CFAP99: variants seen among roughly 807,000 people sequenced by gnomAD.
CFAP99 encodes cilia- and flagella-associated protein 99.
Under a neutral mutation model 82.7 loss-of-function variants are expected in CFAP99, and 84 were observed. That is an observed-to-expected ratio of 1.02 (90% CI 0.85 to 1.22). The LOEUF (loss-of-function observed/expected upper bound fraction) is 1.22. Ranked by LOEUF, CFAP99 falls within the 50% of genes most tolerant of loss-of-function variation. The pLI, the probability that CFAP99 is intolerant of heterozygous loss-of-function variation, is 0.00. For synonymous variants in CFAP99, 456 were observed against 429.5 expected, an observed-to-expected ratio of 1.06 and a Z score of -0.76; for missense variants, 1,059 against 983.5, an observed-to-expected ratio of 1.08 and a Z score of -1.03.
intron 2 of CFAP99, among the ~76,000 whole-genome samples, chr4:2,432,237 G>A (rs1733814966): frequency 6.6e-6 from 1 of 152,182 alleles, no homozygotes; most frequent in Non-Finnish European, 1.5e-5. Flanking sequence ...AGAGGAGAAA[G>A]GCAAACAGTA....
At chr4:2,419,285 A>T (rs1733476821) in intron 1 of CFAP99, among the ~76,000 whole-genome samples, 192 bp downstream of exon 1, 1 of 151,868 alleles carries the variant, frequency 6.6e-6, no homozygotes, top group South Asian at 2.1e-4. Flanking sequence ...CGTTCTAAAA[A>T]GATACTCTTC....
At chr4:2,460,087 G>T in exon 14 of CFAP99, 1 of 1,536,102 alleles carries the variant, frequency 6.5e-7, no homozygotes, top group Non-Finnish European at 8.7e-7. Context: ...AGCTGCGAGA[G>T]CGGCTGGCCC....
rs1734266357 is a variant in CFAP99, at chr4:2,450,023, C to T, written c.795+18C>T. ...GAGTGCAGGTACCGCCCAGCTCTCT[C>T]AAGACCCATCATCGAGGTGCCATCT... On this transcript the variant is annotated intron_variant, in intron 8 of 14. Transcript: ENST00000635017. 1 of 1,535,468 alleles carries T rather than the reference C, an allele frequency of 6.5e-7. No homozygotes were observed. The highest frequency in any genetic ancestry group is 8.7e-7 in the Non-Finnish European group (1 of 1,146,288).
intron 4 of CFAP99, among the ~76,000 whole-genome samples, chr4:2,441,663 G>A (rs1401806167): frequency 6.6e-6 from 1 of 152,232 alleles, no homozygotes; most frequent in Non-Finnish European, 1.5e-5. Flanking sequence ...ATCCCCAAGG[G>A]AACTGCCCAG....
chr4:2,439,341 C>T (rs1267845763), intron 4 of CFAP99, among the ~76,000 whole-genome samples: 1 of 152,208 alleles, frequency 6.6e-6, no homozygotes, highest in Non-Finnish European at 1.5e-5. Flanking sequence ...ATGGAGGGGA[C>T]AGTTTCCAGC....
intron 1 of CFAP99, among the ~76,000 whole-genome samples, chr4:2,423,435 G>T (rs1733622927): frequency 6.6e-6 from 1 of 152,226 alleles, no homozygotes; most frequent in Non-Finnish European, 1.5e-5. Context: ...AGGGTGCTCA[G>T]TGGGCCTCCT....
chr4:2,443,239 T>A, exon 5 of CFAP99: 1 of 1,529,948 alleles, frequency 6.5e-7, no homozygotes, highest in Non-Finnish European at 8.8e-7. Flanking sequence ...GACCCCCTGA[T>A]GAGGTAGGCT....
At chr4:2,442,704 G>C (rs987227522) in intron 4 of CFAP99, among the ~76,000 whole-genome samples, 1 of 152,166 alleles carries the variant, frequency 6.6e-6, no homozygotes, top group Non-Finnish European at 1.5e-5. Context: ...CCAAGCTGAG[G>C]ATGTGCCGCC....
Position 2,437,023 on chromosome 4 carries a change from G to A in CFAP99, c.256+5G>A. ...TTGACCACAGCCGCTTCGAGGGTAG[G>A]TGCCTGGCTGGTCCCCAGGGCCAGG... On this transcript the variant is annotated splice_donor_5th_base_variant and intron_variant, in intron 3 of 14. Transcript: ENST00000635017. 2 of 1,536,032 alleles carry A rather than the reference G, an allele frequency of 1.3e-6. No individual in the cohort carries two copies. The highest frequency in any genetic ancestry group is 1.7e-6 in the Non-Finnish European group (2 of 1,146,832).
At chr4:2,459,043 C>A in intron 12 of CFAP99, 64 bp from the exon 13 acceptor site, 1 of 1,456,242 alleles carries the variant, frequency 6.9e-7, no homozygotes, top group Non-Finnish European at 9.0e-7. Flanking sequence ...GGGGGAGGTG[C>A]CTTCCTGTCC....
rs1250854455 is a variant in CFAP99 at position 2,437,028 on chromosome 4, T to C, written c.256+10T>C. 4 of 1,535,868 alleles carry C rather than the reference T, an allele frequency of 2.6e-6. No individual in the cohort carries two copies. The highest frequency in any genetic ancestry group is 2.6e-6 in the Non-Finnish European group (3 of 1,146,812). On this transcript the variant is annotated intron_variant, in intron 3 of 14. Transcript: ENST00000635017. Reference sequence around the variant, plus strand: ...CACAGCCGCTTCGAGGGTAGGTGCCTGGCTGGTCCCCAGGGCCAGGCCGTA... The same window carrying C: ...CACAGCCGCTTCGAGGGTAGGTGCCCGGCTGGTCCCCAGGGCCAGGCCGTA...
At chr4:2,447,552 G>A (rs1442177509) in intron 6 of CFAP99, among the ~76,000 whole-genome samples, 2 of 151,768 alleles carry the variant, frequency 1.3e-5, no homozygotes, top group Non-Finnish European at 2.9e-5. Flanking sequence ...TGAACAGATG[G>A]GTGGATGGAT....
At chr4:2,442,247 G>T (rs1734058679) in intron 4 of CFAP99, among the ~76,000 whole-genome samples, 1 of 152,048 alleles carries the variant, frequency 6.6e-6, no homozygotes, top group Non-Finnish European at 1.5e-5. Flanking sequence ...CCAAATGGGG[G>T]TGGCCAGAAG....
chr4:2,443,695 C>G (rs1278259664), intron 5 of CFAP99, among the ~76,000 whole-genome samples: 1 of 152,138 alleles, frequency 6.6e-6, no homozygotes, highest in Non-Finnish European at 1.5e-5. Flanking sequence ...GCTGAGGAAG[C>G]CACAGATCAG....
chr4:2,444,551 G>A (rs574770381), intron 5 of CFAP99, among the ~76,000 whole-genome samples: 1 of 152,186 alleles, frequency 6.6e-6, no homozygotes, highest in African/African-American at 2.4e-5. Context: ...GCCCATGCTG[G>A]GTGTGGGACA....
exon 14 of CFAP99, chr4:2,460,183 G>A (rs1578485244): frequency 1.3e-6 from 2 of 1,536,030 alleles, no homozygotes; most frequent in African/African-American, 1.4e-5. Context: ...AGGAACTGCA[G>A]AACATGGTGG....
At chr4:2,421,307 A>G (rs1412971438) in intron 1 of CFAP99, among the ~76,000 whole-genome samples, 3 of 151,542 alleles carry the variant, frequency 2.0e-5, no homozygotes, top group African/African-American at 7.3e-5. Flanking sequence ...ATTTGTGTCT[A>G]TAAAATATTT....
At chr4:2,459,325 A>G (rs1330563572) in intron 13 of CFAP99, 67 bp downstream of exon 13, 1 of 1,454,774 alleles carries the variant, frequency 6.9e-7, no homozygotes, top group East Asian at 2.5e-5. Context: ...CATGAGAGGC[A>G]GTTTCCAGGG....
chr4:2,444,866 C>T (rs1310790465), intron 5 of CFAP99, among the ~76,000 whole-genome samples: 2 of 152,218 alleles, frequency 1.3e-5, no homozygotes, highest in East Asian at 1.9e-4. Context: ...CAGCTCCCCA[C>T]TCACCAGCAT....
Sources: allele counts gnomAD v4.1 joint callset (sites outside exome capture counted in the v4.1 genomes callset), GRCh38; gene constraint gnomAD v4.1.1; transcripts MANE v1.5; gene names NCBI Gene and HGNC (gene_info 2026-07-23, HGNC 2026-07-21).